Variants in ADCY7 observed in about 807,000 individuals in gnomAD.
ADCY7 encodes the protein adenylate cyclase 7.
In ADCY7, 72 loss-of-function variants were observed where a neutral mutation model predicts 120.6. That is an observed-to-expected ratio of 0.60 (90% CI 0.49 to 0.73). The LOEUF is 0.73. ADCY7 is among the 30% of genes least tolerant of loss of function. The probability of loss-of-function intolerance (pLI) is 0.00; values close to 1 mark genes in which losing one functional copy is unlikely to be tolerated. For missense variants in ADCY7, 1,227 were observed against 1,486.0 expected (o/e 0.83, Z 2.87); for synonymous variants, 661 against 628.0 (o/e 1.05, Z -0.78).
intron 1 of ADCY7, among the ~76,000 whole-genome samples, chr16:50,280,388 A>AC (rs1555518602): frequency 1.3e-5 from 2 of 150,212 alleles, no homozygotes; most frequent in Admixed American, 1.3e-4. Flanking sequence ...AAAAAAAAAA[A>AC]CAACTCCTGG....
intron 5 of ADCY7, among the ~76,000 whole-genome samples, 183 bp from the exon 6 acceptor site, chr16:50,293,171 G>A (rs974622483): frequency 3.3e-5 from 5 of 152,180 alleles, no homozygotes. Context: ...GGAGGTAGAT[G>A]CTCAGTTGGG....
chr16:50,304,298 G>A (rs1467592984), intron 10 of ADCY7, 62 bp from the exon 11 acceptor site: 9 of 1,341,552 alleles, frequency 6.7e-6, no homozygotes, highest in Admixed American at 3.2e-5. Flanking sequence ...TGGGGATGGC[G>A]GCCCCTTCCT....
At position 50,294,743 on chromosome 16, in the gene ADCY7, A is replaced by G. The variant is rs202146819; in HGVS notation, c.940A>G (p.Ile314Val). The stretch of plus-strand genomic sequence containing the variant: ...TGAGCTCTTTGGCAAGTTCGACCAG[A>G]TCGCCAAGGTGAGCCCGCTGGCCTA... ...LNELFGKFDQ[I>V]AKANECMRIK... The change falls in exon 7 of 26, where the codon ATC becomes GTC. Residue 314 changes from isoleucine (I) to valine (V), a missense_variant. Physicochemically the swap from Ile to Val is conservative, Grantham distance 29. This residue lies in a region of ADCY7 where 332 missense variants were observed against 455.8 expected (regional missense o/e 0.73). Coordinates refer to ENST00000673801, the MANE Select transcript of ADCY7 (RefSeq NM_001114.5). The G allele has an allele frequency of 6.2e-6, 10 of 1,613,060 alleles. No homozygotes were observed. Among genetic ancestry groups the G allele is most frequent in the Non-Finnish European group, 8.5e-6 (10 of 1,179,446 alleles).
intron 1 of ADCY7, among the ~76,000 whole-genome samples, chr16:50,246,457 G>A (rs528565624): frequency 6.6e-6 from 1 of 152,256 alleles, no homozygotes; most frequent in Non-Finnish European, 1.5e-5. Flanking sequence ...ACGCTTCCCA[G>A]ACGCTGCCCC....
chr16:50,292,382 C>T (rs988422270), intron 4 of ADCY7, among the ~76,000 whole-genome samples: 3 of 152,216 alleles, frequency 2.0e-5, no homozygotes, highest in East Asian at 1.9e-4. Flanking sequence ...GCCAGCTGGG[C>T]GCTGTGCCCT....
chr16:50,264,540 A>T (rs2033139181), upstream of ADCY7, among the ~76,000 whole-genome samples: 1 of 152,212 alleles, frequency 6.6e-6, no homozygotes, highest in African/African-American at 2.4e-5. Context: ...CCACACTGCC[A>T]GGCAGTTTTC....
chr16:50,280,750 C>T (rs1437416717), intron 1 of ADCY7, among the ~76,000 whole-genome samples: 1 of 152,194 alleles, frequency 6.6e-6, no homozygotes, highest in Non-Finnish European at 1.5e-5. Context: ...AGCCTCCACC[C>T]CCAGCCCAGT....
chr16:50,268,619 GTGA>G (rs763951395), intron 1 of ADCY7, among the ~76,000 whole-genome samples: 18 of 152,168 alleles, frequency 1.2e-4, no homozygotes, highest in South Asian at 2.1e-4. Context: ...TGTTTTCCGG[GTGA>G]TGAGGGTGAA....
upstream of ADCY7, among the ~76,000 whole-genome samples, chr16:50,265,343 G>A (rs1416748932): frequency 7.0e-6 from 1 of 143,498 alleles, no homozygotes; most frequent in East Asian, 2.3e-4. Flanking sequence ...ACTCCCTCCT[G>A]TGGCCTCTGG....
upstream of ADCY7, among the ~76,000 whole-genome samples, chr16:50,263,125 T>C (rs2033102550): frequency 6.6e-6 from 1 of 152,194 alleles, no homozygotes; most frequent in South Asian, 2.1e-4. Flanking sequence ...AGCAATGTGG[T>C]GTCTCTGAGC....
At chr16:50,276,197 G>C (rs1349012578) in intron 1 of ADCY7, among the ~76,000 whole-genome samples, 1 of 152,248 alleles carries the variant, frequency 6.6e-6, no homozygotes, top group Non-Finnish European at 1.5e-5. Context: ...CCTACATGGA[G>C]GGGTCAGCCC....
chr16:50,267,722 A>G (rs1019161130), intron 1 of ADCY7, among the ~76,000 whole-genome samples: 1 of 152,198 alleles, frequency 6.6e-6, no homozygotes, highest in Non-Finnish European at 1.5e-5. Context: ...TGGGGAAAAA[A>G]AAATCTGTAA....
chr16:50,312,987 G>C lies in ADCY7; in HGVS notation c.2702G>C (p.Gly901Ala). The change falls in exon 22 of 26, where the codon GGG (glycine) becomes GCG (alanine). Residue 901 changes from glycine (G) to alanine (A), a missense_variant. This residue lies in a region of ADCY7 where 244 missense variants were observed against 332.8 expected (regional missense o/e 0.73). Coordinates refer to ENST00000673801, the MANE Select transcript of ADCY7 (RefSeq NM_001114.5). ...FYTECDVNKE[G>A]LECLRLLNEI... ...ACAGAGTGCGATGTCAACAAAGAAG[G>C]GCTGGAGTGCCTACGCCTGCTCAAT... 1 of 1,614,218 alleles carries C rather than the reference G, an allele frequency of 6.2e-7. No homozygotes were observed. Among genetic ancestry groups the C allele is most frequent in the African/African-American group, 1.3e-5 (1 of 75,046 alleles).
chr16:50,293,612 A>G (rs1275698998), intron 6 of ADCY7, 110 bp downstream of exon 6: 2 of 1,345,884 alleles, frequency 1.5e-6, no homozygotes, highest in Non-Finnish European at 2.0e-6. Flanking sequence ...CTGCCCATAT[A>G]GGGATTGGGA....
intron 24 of ADCY7, 79 bp downstream of exon 24, chr16:50,314,485 C>T: frequency 9.6e-7 from 1 of 1,042,292 alleles, no homozygotes; most frequent in Admixed American, 1.9e-5. Context: ...ACAGCTGCAC[C>T]TCGCCATCTA....
upstream of ADCY7, among the ~76,000 whole-genome samples, chr16:50,244,847 A>T (rs754556349): frequency 6.6e-6 from 1 of 152,318 alleles, no homozygotes; most frequent in South Asian, 2.1e-4. Context: ...CAGAGAGCCA[A>T]ATGCCACCAT....
At chr16:50,293,963 C>T (rs911670902) in intron 6 of ADCY7, among the ~76,000 whole-genome samples, 1 of 152,098 alleles carries the variant, frequency 6.6e-6, no homozygotes, top group Non-Finnish European at 1.5e-5. Context: ...TGTCAAGTGT[C>T]GATGTGGGTG....
At chr16:50,271,135 G>T (rs1402963384) in intron 1 of ADCY7, among the ~76,000 whole-genome samples, 1 of 152,252 alleles carries the variant, frequency 6.6e-6, no homozygotes, top group Non-Finnish European at 1.5e-5. Flanking sequence ...AGGGACCAGT[G>T]TTGGGGTGGA....
intron 1 of ADCY7, among the ~76,000 whole-genome samples, chr16:50,259,970 G>T (rs962803435): frequency 6.6e-6 from 1 of 152,216 alleles, no homozygotes; most frequent in Non-Finnish European, 1.5e-5. Context: ...CCGCCTCCCA[G>T]CGTGAAAGAT....
Sources: allele counts gnomAD v4.1 joint callset (sites outside exome capture counted in the v4.1 genomes callset), GRCh38; gene constraint gnomAD v4.1.1; regional missense constraint gnomAD v4.1.1; transcripts MANE v1.5; gene names NCBI Gene and HGNC (gene_info 2026-07-23, HGNC 2026-07-21).